GLYATL2: variants seen among roughly 807,000 people sequenced by gnomAD.
GLYATL2 encodes glycine N-acyltransferase-like protein 2.
Under a neutral mutation model 21.4 loss-of-function variants are expected in GLYATL2, and 25 were observed. The observed-to-expected ratio is 1.17, with a 90% CI of 0.85 to 1.63. GLYATL2 has a LOEUF of 1.63. Among genes scored for constraint, GLYATL2 ranks in the 40% most tolerant of loss-of-function variants. GLYATL2 has a pLI of 0.00. For missense variants in GLYATL2, 361 were observed against 343.3 expected, an observed-to-expected ratio of 1.05 and a Z score of -0.41; for synonymous variants, 114 against 118.2, an observed-to-expected ratio of 0.96 and a Z score of 0.23.
At chr11:58,899,192 A>C (rs991593997) in intron 1 of GLYATL2, among the ~76,000 whole-genome samples, 10 of 152,202 alleles carry the variant, frequency 6.6e-5, no homozygotes, top group Non-Finnish European at 1.0e-4. Context: ...ACAGGATATA[A>C]TAGGGTTCAA....
chr11:58,870,279 C>T (rs1854095191), intron 1 of GLYATL2, among the ~76,000 whole-genome samples: 1 of 152,078 alleles, frequency 6.6e-6, no homozygotes, highest in African/African-American at 2.4e-5. Context: ...AATGATAAAA[C>T]AGAATGCATG....
At chr11:58,892,108 G>C (rs1359684937) in intron 1 of GLYATL2, 2 of 152,364 alleles carry the variant, frequency 1.3e-5, no homozygotes, top group East Asian at 3.8e-4. Flanking sequence ...GCCATCGTAG[G>C]CCACTGTTAA....
intron 1 of GLYATL2, among the ~76,000 whole-genome samples, chr11:58,888,227 G>A (rs755749016): frequency 6.6e-6 from 1 of 152,074 alleles, no homozygotes; most frequent in East Asian, 1.9e-4. Flanking sequence ...AACACAAGGT[G>A]TATGCTACAA....
chr11:58,899,320 T>C (rs1018648310), intron 1 of GLYATL2, among the ~76,000 whole-genome samples: 1 of 151,816 alleles, frequency 6.6e-6, no homozygotes, highest in African/African-American at 2.4e-5. Flanking sequence ...CTCCCAACCG[T>C]TTCTCAGTCA....
chr11:58,840,337 T>C (rs1421855042), intron 1 of GLYATL2, among the ~76,000 whole-genome samples: 3 of 152,110 alleles, frequency 2.0e-5, no homozygotes, highest in Admixed American at 2.0e-4. Context: ...TGTTTAAGGA[T>C]GTAAACATAA....
chr11:58,870,567 C>T (rs1475534226), intron 1 of GLYATL2, among the ~76,000 whole-genome samples: 1 of 152,148 alleles, frequency 6.6e-6, no homozygotes, highest in East Asian at 1.9e-4. Flanking sequence ...GAAAAGACTG[C>T]CAAGAACTGT....
In GLYATL2 at chr11:58,897,537, G is replaced by T. The variant is rs962505924; in HGVS notation, n.60+6619C>A. Among the ~76,000 whole-genome samples the T allele has an allele frequency of 2.0e-5, 3 of 151,802 alleles. No individual in the cohort carries two copies. In the East Asian group the frequency reaches 5.8e-4, roughly 29 times the overall value. On this transcript the variant is annotated intron_variant and non_coding_transcript_variant, in intron 1 of 4. Transcript: ENST00000533636. ...AGCCATCTCCAAAGGCTTCCCACCTGCCCCAACCAACACACACACGGACGC... is the reference window on the plus strand; with the variant it reads ...AGCCATCTCCAAAGGCTTCCCACCTTCCCCAACCAACACACACACGGACGC...
At position 58,868,852 on chromosome 11, in the gene GLYATL2, G is replaced by A. The variant is rs190020721; in HGVS notation, n.61-30484C>T. 1.5e-3 allele frequency among the ~76,000 whole-genome samples: 219 copies of A among 149,234 alleles called. 11 individuals carry two copies. The highest frequency in any genetic ancestry group is 5.0e-3 in the African/African-American group (207 of 41,364). On this transcript the variant is annotated intron_variant and non_coding_transcript_variant, in intron 1 of 4. Transcript: ENST00000533636. ...TGACTGTCATTTGTGGGCCCAGACA[G>A]AAGGCTCTGCTCCTCTAAATTTGGG...
chr11:58,879,416 C>A (rs879437749), intron 1 of GLYATL2, among the ~76,000 whole-genome samples: 1 of 152,176 alleles, frequency 6.6e-6, no homozygotes, highest in Non-Finnish European at 1.5e-5. Flanking sequence ...TTCACAGTGA[C>A]AATTGTCTGT....
chr11:58,838,436 G>T (rs1252814638), intron 2 of GLYATL2, 68 bp from the exon 3 acceptor site: 11 of 992,244 alleles, frequency 1.1e-5, no homozygotes, highest in Non-Finnish European at 1.6e-5. Flanking sequence ...TATATGTGGA[G>T]AAATAAGACA....
chr11:58,873,639 C>G (rs1195148319), intron 1 of GLYATL2, among the ~76,000 whole-genome samples: 5 of 152,148 alleles, frequency 3.3e-5, no homozygotes, highest in Non-Finnish European at 5.9e-5. Flanking sequence ...ATGAAGCCCA[C>G]TTGATCATGG....
In GLYATL2 at chr11:58,837,394, TCTCCTG is replaced by T; in HGVS notation, c.187-3_189del. 1 of 1,612,352 alleles carries T rather than the reference TCTCCTG, an allele frequency of 6.2e-7. No individual in the cohort carries two copies. Among genetic ancestry groups the T allele is most frequent in the Non-Finnish European group, 8.5e-7 (1 of 1,178,638 alleles). ...GTATAATGATCCTGGTCATCTTTCATCTCCTGATATAACAAATATCAATTATATTTA... is the reference window on the plus strand; with the variant it reads ...GTATAATGATCCTGGTCATCTTTCATATATAACAAATATCAATTATATTTA... On this transcript the variant is annotated splice_acceptor_variant and splice_polypyrimidine_tract_variant and coding_sequence_variant and intron_variant, in exon 4 of 6. Coordinates refer to ENST00000287275, the MANE Select transcript of GLYATL2 (RefSeq NM_145016.4). LOFTEE classifies it high-confidence loss of function.
At chr11:58,847,709 T>C (rs1456351390), upstream of GLYATL2, among the ~76,000 whole-genome samples, 1 of 152,230 alleles carries the variant, frequency 6.6e-6, no homozygotes, top group African/African-American at 2.4e-5. Flanking sequence ...TTTTTGACTC[T>C]AGTCCTTGAC....
chr11:58,884,396 C>T lies in GLYATL2; in HGVS notation n.60+19760G>A, dbSNP rs567524718. Among the ~76,000 whole-genome samples the T allele has an allele frequency of 1.2e-3, 177 of 152,314 alleles. 2 individuals carry two copies. Among genetic ancestry groups the T allele is most frequent in the African/African-American group, 3.9e-3 (163 of 41,572 alleles). On this transcript the variant is annotated intron_variant and non_coding_transcript_variant, in intron 1 of 4. Coordinates refer to the GLYATL2 transcript ENST00000533636. Reference sequence around the variant, plus strand: ...ATACAAAATCAATGTGCAAAAATCACAAGCATTCTTATACACCAATAACAG... The same window carrying T: ...ATACAAAATCAATGTGCAAAAATCATAAGCATTCTTATACACCAATAACAG...
At chr11:58,860,955 C>T (rs1262196411) in intron 1 of GLYATL2, among the ~76,000 whole-genome samples, 1 of 152,058 alleles carries the variant, frequency 6.6e-6, no homozygotes, top group Admixed American at 6.5e-5. Context: ...CCCACTGTAT[C>T]ATGATTAATG....
intron 1 of GLYATL2, among the ~76,000 whole-genome samples, chr11:58,851,945 G>A (rs672021): frequency 0.89 from 135,069 of 152,238 alleles, 61,081 homozygotes; most frequent in Non-Finnish European, 0.98. Flanking sequence ...TAATTCAAAG[G>A]TAGAGTTTGC....
At chr11:58,862,460 A>G (rs954161622) in intron 1 of GLYATL2, among the ~76,000 whole-genome samples, 4 of 151,996 alleles carry the variant, frequency 2.6e-5, no homozygotes, top group African/African-American at 9.7e-5. Flanking sequence ...TCTCTTACTG[A>G]TATTCCATAA....
At position 58,877,827 on chromosome 11, in the gene GLYATL2, T is replaced by C. The variant is rs545479795; in HGVS notation, n.60+26329A>G. Among the ~76,000 whole-genome samples, 7 of 152,354 alleles carry C rather than the reference T, an allele frequency of 4.6e-5. No homozygotes were observed. The East Asian group carries it at 1.3e-3, about 29-fold the overall frequency. ...AGTTTCAGTAAATTTTGCTACAAAG[T>C]GTTAAAGCAAACTAAATACAGTCTG... On this transcript the variant is annotated intron_variant and non_coding_transcript_variant, in intron 1 of 4. Transcript: ENST00000533636.
intron 1 of GLYATL2, among the ~76,000 whole-genome samples, chr11:58,864,888 A>G (rs1169077032): frequency 6.7e-6 from 1 of 149,066 alleles, no homozygotes; most frequent in Non-Finnish European, 1.5e-5. Context: ...CCTCAGCAGC[A>G]TCAGAGGCAG....
Sources: allele counts gnomAD v4.1 joint callset (sites outside exome capture counted in the v4.1 genomes callset), GRCh38; gene constraint gnomAD v4.1.1; transcripts MANE v1.5; gene names NCBI Gene and HGNC (gene_info 2026-07-23, HGNC 2026-07-21).